ST18: variants seen among roughly 807,000 people sequenced by gnomAD.
The protein encoded by ST18 is ST18 C2H2C-type zinc finger transcription factor, also known as suppression of tumorigenicity 18 protein.
A neutral mutation model predicts 110.0 loss-of-function variants in ST18; 50 were observed. The observed-to-expected ratio is 0.45, with a 90% CI of 0.36 to 0.58. The LOEUF (loss-of-function observed/expected upper bound fraction) is 0.58. Ranked by LOEUF, ST18 falls within the 20% of genes least tolerant of loss-of-function variation. ST18 has a pLI of 0.00. For synonymous variants in ST18, 461 were observed against 452.4 expected (o/e 1.02, Z -0.24); for missense variants, 1,306 against 1,280.1 (o/e 1.02, Z -0.31).
At chr8:52,264,286 C>G (rs937351048) in intron 2 of ST18, among the ~76,000 whole-genome samples, 12 of 152,082 alleles carry the variant, frequency 7.9e-5, no homozygotes, top group Admixed American at 4.6e-4. Flanking sequence ...TATAGAGATG[C>G]CTTCTTCTTA....
intron 2 of ST18, among the ~76,000 whole-genome samples, chr8:52,334,996 A>T (rs1000760341): frequency 6.6e-6 from 1 of 152,216 alleles, no homozygotes; most frequent in Non-Finnish European, 1.5e-5. Context: ...AAATAACAAA[A>T]TTATAGTATG....
chr8:52,384,277 A>C (rs1182132308), intron 2 of ST18, among the ~76,000 whole-genome samples: 2 of 152,190 alleles, frequency 1.3e-5, no homozygotes, highest in Non-Finnish European at 2.9e-5. Flanking sequence ...ATAATCTCTA[A>C]GTGCCTGCTG....
At chr8:52,208,466 C>T (rs1425982254) in intron 8 of ST18, among the ~76,000 whole-genome samples, 1 of 152,218 alleles carries the variant, frequency 6.6e-6, no homozygotes, top group Non-Finnish European at 1.5e-5. Context: ...TGAATCAGTA[C>T]TTTTCTCCCA....
intron 2 of ST18, among the ~76,000 whole-genome samples, chr8:52,344,086 A>G (rs909901411): frequency 5.3e-5 from 8 of 152,218 alleles, no homozygotes; most frequent in African/African-American, 1.9e-4. Context: ...TAATAGCTGT[A>G]CAGCTATTAA....
At chr8:52,265,757 T>G (rs1453896810) in intron 2 of ST18, among the ~76,000 whole-genome samples, 2 of 152,214 alleles carry the variant, frequency 1.3e-5, no homozygotes, top group Non-Finnish European at 2.9e-5. Context: ...AAATTAAGAA[T>G]AAAATTACTA....
Position 52,293,987 on chromosome 8 carries a change from A to G in ST18, c.-464-63910T>C, listed in dbSNP as rs916586563. ...GACTCAGGGTTTCACGCAGTGGCCC[A>G]TAGCCCGCTTTTCCATATGCTTTTG... On this transcript the variant is annotated intron_variant, in intron 2 of 25. Transcript: ENST00000689386. 3.9e-5 allele frequency among the ~76,000 whole-genome samples: 6 copies of G among 152,328 alleles called. No homozygotes were observed. The East Asian group carries it at 1.2e-3, about 29-fold the overall frequency.
intron 2 of ST18, among the ~76,000 whole-genome samples, chr8:52,349,802 G>C (rs1331256529): frequency 1.3e-5 from 2 of 152,250 alleles, no homozygotes; most frequent in East Asian, 3.9e-4. Flanking sequence ...AGACTGCAAA[G>C]GTGTGAGCAG....
chr8:52,193,915 A>G (rs183731455), intron 8 of ST18, among the ~76,000 whole-genome samples: 3 of 152,302 alleles, frequency 2.0e-5, no homozygotes, highest in Non-Finnish European at 4.4e-5. Flanking sequence ...GCCTTCTCCT[A>G]TTACTCATGT....
intron 19 of ST18, among the ~76,000 whole-genome samples, chr8:52,135,520 G>A (rs1313515461): frequency 7.5e-6 from 1 of 133,786 alleles, no homozygotes; most frequent in East Asian, 2.2e-4. Context: ...AGACTGTGCC[G>A]TTGCACTCCA....
At chr8:52,184,736 T>A (rs1028386415) in intron 8 of ST18, among the ~76,000 whole-genome samples, 18 of 152,164 alleles carry the variant, frequency 1.2e-4, no homozygotes, top group African/African-American at 4.3e-4. Flanking sequence ...AGTTTTAAAA[T>A]GTAGGTTCAG....
At chr8:52,364,713 A>G (rs1827142012) in intron 2 of ST18, among the ~76,000 whole-genome samples, 1 of 152,160 alleles carries the variant, frequency 6.6e-6, no homozygotes, top group Admixed American at 6.5e-5. Context: ...GCAGCTACAG[A>G]GGTGATGAGG....
chr8:52,172,729 T>C (rs1192708207), intron 9 of ST18, 146 bp from the exon 10 acceptor site: 1 of 548,572 alleles, frequency 1.8e-6, no homozygotes, highest in Non-Finnish European at 3.0e-6. Flanking sequence ...ATACATAATA[T>C]GTGTAATATA....
chr8:52,322,763 A>C (rs1201660326), intron 2 of ST18, among the ~76,000 whole-genome samples: 1 of 152,202 alleles, frequency 6.6e-6, no homozygotes, highest in Admixed American at 6.5e-5. Flanking sequence ...TTATCATCTG[A>C]CTCATTTTGG....
chr8:52,241,834 C>G (rs1279949248), intron 2 of ST18, among the ~76,000 whole-genome samples: 1 of 152,074 alleles, frequency 6.6e-6, no homozygotes, highest in Non-Finnish European at 1.5e-5. Context: ...GATGTGGCAT[C>G]TACCTAGGAG....
At chr8:52,275,762 G>A (rs1158061491) in intron 2 of ST18, among the ~76,000 whole-genome samples, 3 of 152,042 alleles carry the variant, frequency 2.0e-5, no homozygotes, top group Admixed American at 6.5e-5. Flanking sequence ...CAGTTACCAA[G>A]ATGAGATTCT....
intron 2 of ST18, among the ~76,000 whole-genome samples, chr8:52,331,907 A>C (rs1001443989): frequency 6.6e-6 from 1 of 151,944 alleles, no homozygotes; most frequent in Non-Finnish European, 1.5e-5. Flanking sequence ...AGAATGAAGG[A>C]CTCCTCTTCT....
chr8:52,380,735 A>G (rs763997342), intron 2 of ST18, among the ~76,000 whole-genome samples: 30 of 152,180 alleles, frequency 2.0e-4, no homozygotes, highest in Non-Finnish European at 3.7e-4. Context: ...ATCTCCTCCT[A>G]GAGGCCTGGC....
chr8:52,371,712 A>T (rs1830324239), intron 2 of ST18, among the ~76,000 whole-genome samples: 1 of 152,206 alleles, frequency 6.6e-6, no homozygotes, highest in African/African-American at 2.4e-5. Context: ...TCAACGACAG[A>T]CTGCATACAC....
At chr8:52,364,190 C>G (rs978969171) in intron 2 of ST18, among the ~76,000 whole-genome samples, 1 of 152,198 alleles carries the variant, frequency 6.6e-6, no homozygotes, top group African/African-American at 2.4e-5. Context: ...AATGACTCAT[C>G]ATTGCATGGG....
Sources: gnomAD v4.1 joint callset for allele counts (sites outside exome capture counted in the v4.1 genomes callset) on GRCh38, gnomAD v4.1.1 for gene constraint, MANE v1.5 for transcripts, NCBI Gene and HGNC (gene_info 2026-07-23, HGNC 2026-07-21) for gene names.